NREP: variants seen among roughly 807,000 people sequenced by gnomAD.
NREP encodes the protein neuronal regeneration related protein, also known as neuronal regeneration-related protein.
Under a neutral mutation model 8.6 loss-of-function variants are expected in NREP, and 5 were observed. The ratio of observed to expected loss-of-function variants is 0.58; its 90% confidence interval spans 0.30 to 1.22. The LOEUF (loss-of-function observed/expected upper bound fraction) is 1.22. NREP is among the 50% of genes most tolerant of loss of function. NREP has a pLI of 0.07. For synonymous variants in NREP, 27 were observed against 28.0 expected (o/e 0.96, Z 0.11); for missense variants, 86 against 82.5 (o/e 1.04, Z -0.17).
intron 2 of NREP, among the ~76,000 whole-genome samples, chr5:111,966,173 G>A (rs1328705419): frequency 6.6e-6 from 1 of 152,194 alleles, no homozygotes. Flanking sequence ...TAAAAACTGA[G>A]TAGGGAAGAA....
chr5:111,923,191 C>T (rs1755293699), intron 2 of NREP, among the ~76,000 whole-genome samples: 1 of 152,076 alleles, frequency 6.6e-6, no homozygotes, highest in Admixed American at 6.6e-5. Flanking sequence ...ATTCAAGTGC[C>T]CTTGTGAGAG....
intron 2 of NREP, among the ~76,000 whole-genome samples, chr5:111,964,843 T>G (rs1211110132): frequency 1.0e-5 from 1 of 96,668 alleles, no homozygotes. Context: ...CTACTTAGAA[T>G]GCTTTCAGCA....
rs1444032477 is a variant in NREP at position 111,937,331 on chromosome 5, G to A, written c.135+37943C>T. Among the ~76,000 whole-genome samples, 6 of 152,072 alleles carry A rather than the reference G, an allele frequency of 3.9e-5. No individual in the cohort carries two copies. The East Asian group carries it at 5.8e-4, about 15-fold the overall frequency. On this transcript the variant is annotated intron_variant, in intron 2 of 3. Coordinates refer to the NREP transcript ENST00000395634. ...TTCCAAGATTAGCAGAATCCTGCAC[G>A]TAGTATTCAAGCATGATTCACTAAA... is the stretch of plus-strand genomic sequence containing the variant.
chr5:111,760,975 C>T (rs1196049037), upstream of NREP, among the ~76,000 whole-genome samples: 5 of 152,182 alleles, frequency 3.3e-5, no homozygotes, highest in Non-Finnish European at 2.9e-5. Flanking sequence ...AATTTTTGGT[C>T]AATGTCATTG....
chr5:111,925,453 C>A (rs1755359400), intron 2 of NREP, among the ~76,000 whole-genome samples: 1 of 152,160 alleles, frequency 6.6e-6, no homozygotes. Context: ...CCATCCTTCT[C>A]CTGTGCTTCC....
At chr5:111,890,206 C>T (rs1468904281) in intron 2 of NREP, among the ~76,000 whole-genome samples, 1 of 152,206 alleles carries the variant, frequency 6.6e-6, no homozygotes, top group African/African-American at 2.4e-5. Context: ...GCAGGGCAGT[C>T]ATTAAATATT....
At chr5:111,791,601 C>A (rs2112893843) in intron 2 of NREP, among the ~76,000 whole-genome samples, 1 of 152,248 alleles carries the variant, frequency 6.6e-6, no homozygotes, top group African/African-American at 2.4e-5. Context: ...TCTCAGCCTC[C>A]CGAGTAGCTG....
intron 2 of NREP, among the ~76,000 whole-genome samples, chr5:111,867,565 A>G (rs910601103): frequency 3.3e-5 from 5 of 152,152 alleles, no homozygotes; most frequent in Non-Finnish European, 7.4e-5. Context: ...GTTTCAATAT[A>G]TGAATTGGGG....
At chr5:111,969,959 T>A (rs1481064623) in intron 2 of NREP, among the ~76,000 whole-genome samples, 5 of 152,144 alleles carry the variant, frequency 3.3e-5, no homozygotes, top group Non-Finnish European at 5.9e-5. Context: ...AAAGCTCTAT[T>A]AGACATGTTG....
At chr5:111,763,970 G>T (rs1339516175) in intron 2 of NREP, among the ~76,000 whole-genome samples, 1 of 152,178 alleles carries the variant, frequency 6.6e-6, no homozygotes. Context: ...ACAAGGTAGT[G>T]CTTGTCTTAC....
At chr5:111,912,237 A>G (rs17561385) in intron 2 of NREP, among the ~76,000 whole-genome samples, 1,749 of 151,894 alleles carry the variant, frequency 0.012, 27 homozygotes, top group South Asian at 0.036. Context: ...CTTCTCCCCA[A>G]TTCCCTCATC....
intron 2 of NREP, among the ~76,000 whole-genome samples, chr5:111,777,177 AC>A (rs1394003760): frequency 6.6e-6 from 1 of 152,306 alleles, no homozygotes; most frequent in African/African-American, 2.4e-5. Flanking sequence ...ATTATTTGTA[AC>A]TATTTCCTCA....
intron 2 of NREP, among the ~76,000 whole-genome samples, chr5:111,906,468 T>G (rs557171865): frequency 6.6e-6 from 1 of 152,236 alleles, no homozygotes; most frequent in African/African-American, 2.4e-5. Context: ...GAGTGCTTTA[T>G]AATGATGTAT....
chr5:111,758,087 A>G (rs1303754739), upstream of NREP: 4 of 985,492 alleles, frequency 4.1e-6, no homozygotes, highest in East Asian at 1.1e-4. Flanking sequence ...TCCGCGAAGG[A>G]TGCATTTGCA....
At chr5:111,889,980 A>G (rs1360496083) in intron 2 of NREP, among the ~76,000 whole-genome samples, 1 of 152,170 alleles carries the variant, frequency 6.6e-6, no homozygotes. Context: ...TGGGACAGGA[A>G]CAAATCACAA....
intron 2 of NREP, among the ~76,000 whole-genome samples, chr5:111,929,734 C>A (rs762315902): frequency 2.6e-5 from 4 of 152,164 alleles, no homozygotes; most frequent in Non-Finnish European, 4.4e-5. Context: ...TCCTGTGTGG[C>A]AAACCATGTT....
chr5:111,860,201 G>T lies in NREP; in HGVS notation c.135+115073C>A, dbSNP rs146799397. Among the ~76,000 whole-genome samples the T allele has an allele frequency of 1.6e-4, 24 of 152,188 alleles. No individual in the cohort carries two copies. In the East Asian group the frequency reaches 4.7e-3, roughly 29 times the overall value. ...GTGAGTATGTGTACTTGGGGAATAG[G>T]AAACACTTCTTTTGAGTTCTCTGTC... On this transcript the variant is annotated intron_variant, in intron 2 of 3. Transcript: ENST00000395634.
intron 2 of NREP, among the ~76,000 whole-genome samples, chr5:111,973,104 C>T (rs1756866602): frequency 6.6e-6 from 1 of 152,138 alleles, no homozygotes; most frequent in Non-Finnish European, 1.5e-5. Flanking sequence ...TTTATGCTGT[C>T]ATCTTAGGAG....
intron 2 of NREP, among the ~76,000 whole-genome samples, chr5:111,807,810 T>C (rs1410499325): frequency 6.6e-6 from 1 of 152,192 alleles, no homozygotes; most frequent in Non-Finnish European, 1.5e-5. Context: ...TCAGAATTTA[T>C]AAATGTATAA....
Sources: gnomAD v4.1 joint callset for allele counts (sites outside exome capture counted in the v4.1 genomes callset) on GRCh38, gnomAD v4.1.1 for gene constraint, MANE v1.5 for transcripts, NCBI Gene and HGNC (gene_info 2026-07-23, HGNC 2026-07-21) for gene names.